CCDC60: variants seen among roughly 807,000 people sequenced by gnomAD.
The protein encoded by CCDC60 is coiled-coil domain-containing protein 60.
Under a neutral mutation model 63.5 loss-of-function variants are expected in CCDC60, and 54 were observed. That is an observed-to-expected ratio of 0.85 (90% CI 0.68 to 1.07). CCDC60 has a LOEUF of 1.07. Among genes scored for constraint, CCDC60 ranks in the 50% least tolerant of loss-of-function variants. The pLI is 0.00. For missense variants in CCDC60, 651 were observed against 684.3 expected, an observed-to-expected ratio of 0.95 and a Z score of 0.54; for synonymous variants, 206 against 238.8, an observed-to-expected ratio of 0.86 and a Z score of 1.27.
intron 1 of CCDC60, among the ~76,000 whole-genome samples, chr12:119,391,984 C>A (rs750079188): frequency 1.3e-5 from 2 of 152,110 alleles, no homozygotes; most frequent in African/African-American, 4.8e-5. Context: ...AGGTCAGGAG[C>A]CAAAACCCAG....
chr12:119,459,520 T>A (rs1257501753), intron 2 of CCDC60, among the ~76,000 whole-genome samples: 1 of 152,126 alleles, frequency 6.6e-6, no homozygotes, highest in Non-Finnish European at 1.5e-5. Context: ...ACTAGCAAAT[T>A]AGCCACAAGA....
rs1952364810 is a variant in CCDC60, at chr12:119,516,726, T to C, written c.968+19T>C. ...CACCCAGGTATGTGCTCTTGACTCC[T>C]GGGGCAAATAAAGCTTAGAATAATA... On this transcript the variant is annotated intron_variant, in intron 8 of 13. Transcript: ENST00000327554. 3.2e-6 allele frequency: 5 copies of C among 1,543,548 alleles called. No homozygotes were observed. The highest frequency in any genetic ancestry group is 4.5e-6 in the Non-Finnish European group (5 of 1,118,584).
At chr12:119,362,128 C>T (rs1348383206) in intron 1 of CCDC60, among the ~76,000 whole-genome samples, 1 of 152,144 alleles carries the variant, frequency 6.6e-6, no homozygotes, top group East Asian at 1.9e-4. Context: ...ATAGCTGTGT[C>T]TATATCTATC....
intron 2 of CCDC60, among the ~76,000 whole-genome samples, chr12:119,431,772 G>A (rs774341919): frequency 3.1e-4 from 47 of 152,094 alleles, no homozygotes; most frequent in Non-Finnish European, 5.1e-4. Flanking sequence ...TCCGCCTCCC[G>A]GGTTCACGCC....
chr12:119,539,558 G>A (rs1043243906), intron 13 of CCDC60, among the ~76,000 whole-genome samples: 5 of 152,136 alleles, frequency 3.3e-5, no homozygotes, highest in East Asian at 1.9e-4. Context: ...AACCCACGTC[G>A]ACTTCAGACT....
intron 13 of CCDC60, among the ~76,000 whole-genome samples, chr12:119,535,862 G>T (rs186940547): frequency 1.3e-5 from 2 of 152,178 alleles, no homozygotes; most frequent in African/African-American, 4.8e-5. Flanking sequence ...GAATAAGTGC[G>T]ATGTGGTGCT....
At chr12:119,486,500 C>T (rs1464879252) in intron 4 of CCDC60, among the ~76,000 whole-genome samples, 1 of 152,080 alleles carries the variant, frequency 6.6e-6, no homozygotes. Context: ...AGAATGAGAG[C>T]CTGTCTCTTA....
intron 7 of CCDC60, among the ~76,000 whole-genome samples, chr12:119,507,603 TATATATATA>T (rs1952078765): frequency 1.1e-4 from 3 of 28,184 alleles, no homozygotes; most frequent in South Asian, 1.3e-3. Context: ...TATATATATA[TATATATATA>T]TATTTTTTTT....
chr12:119,465,126 A>T (rs1950928263), intron 2 of CCDC60, among the ~76,000 whole-genome samples: 1 of 151,948 alleles, frequency 6.6e-6, no homozygotes, highest in South Asian at 2.1e-4. Flanking sequence ...CCTGGCTAAC[A>T]TGGTGAAACC....
At chr12:119,377,617 A>C (rs1955966364) in intron 1 of CCDC60, among the ~76,000 whole-genome samples, 1 of 152,224 alleles carries the variant, frequency 6.6e-6, no homozygotes, top group African/African-American at 2.4e-5. Context: ...ATAGTTACAA[A>C]ACAGTTATTA....
chr12:119,475,811 G>C (rs967539955), intron 3 of CCDC60, among the ~76,000 whole-genome samples: 4 of 152,160 alleles, frequency 2.6e-5, no homozygotes, highest in African/African-American at 9.7e-5. Context: ...TAGAGTCTAC[G>C]TATAAGACAT....
At chr12:119,418,393 T>C (rs111446915) in intron 1 of CCDC60, among the ~76,000 whole-genome samples, 878 of 8,604 alleles carry the variant, frequency 0.1, 8 homozygotes, top group South Asian at 0.22. Context: ...TTTCTTTTTT[T>C]TTTTTTTTTT....
intron 9 of CCDC60, among the ~76,000 whole-genome samples, chr12:119,521,725 C>T (rs1413189309): frequency 6.6e-6 from 1 of 152,118 alleles, no homozygotes; most frequent in Non-Finnish European, 1.5e-5. Context: ...CCTAATAACA[C>T]CACTTTCTTT....
intron 1 of CCDC60, among the ~76,000 whole-genome samples, chr12:119,413,017 G>T (rs1057255444): frequency 6.6e-6 from 1 of 152,060 alleles, no homozygotes; most frequent in African/African-American, 2.4e-5. Flanking sequence ...AGAATAGAGT[G>T]GTTGTCACAT....
intron 1 of CCDC60, among the ~76,000 whole-genome samples, chr12:119,342,085 G>T (rs887043997): frequency 1.1e-4 from 16 of 152,234 alleles, no homozygotes; most frequent in African/African-American, 3.9e-4. Flanking sequence ...TCTCATGTGA[G>T]AAGTCTGGAG....
chr12:119,381,700 G>A (rs1271690621), intron 1 of CCDC60, among the ~76,000 whole-genome samples: 1 of 152,086 alleles, frequency 6.6e-6, no homozygotes, highest in African/African-American at 2.4e-5. Context: ...CCATTCTAAG[G>A]ACGAGGAAGC....
chr12:119,374,393 TA>T (rs1165750117), intron 1 of CCDC60, among the ~76,000 whole-genome samples: 1 of 152,170 alleles, frequency 6.6e-6, no homozygotes, highest in Non-Finnish European at 1.5e-5. Flanking sequence ...ACAGAGAAGT[TA>T]ACTGACTTGC....
Position 119,419,604 on chromosome 12 carries a change from CT to C in CCDC60, c.91-9078del, listed in dbSNP as rs1273666682. ...CTTGAGACTGTGATGCATTCATCTT[CT>C]CATTCATTCAGCAATGACAGAAAGA... On this transcript the variant is annotated intron_variant, in intron 1 of 13. Transcript: ENST00000327554. 8.5e-5 allele frequency among the ~76,000 whole-genome samples: 13 copies of C among 152,290 alleles called. No homozygotes were observed. The South Asian group carries it at 2.3e-3, about 27-fold the overall frequency.
intron 1 of CCDC60, among the ~76,000 whole-genome samples, chr12:119,374,802 G>C (rs936361227): frequency 6.6e-6 from 1 of 152,124 alleles, no homozygotes; most frequent in Admixed American, 6.6e-5. Context: ...AGAACTGAGG[G>C]TTCCTCCTCC....
Sources: gnomAD v4.1 joint callset for allele counts (sites outside exome capture counted in the v4.1 genomes callset) on GRCh38, gnomAD v4.1.1 for gene constraint, MANE v1.5 for transcripts, NCBI Gene and HGNC (gene_info 2026-07-23, HGNC 2026-07-21) for gene names.